Variants in SF3A1 observed in about 807,000 individuals in gnomAD.
SF3A1 encodes the protein SAP 114.
A neutral mutation model predicts 89.9 loss-of-function variants in SF3A1; 13 were observed. The observed-to-expected ratio is 0.14, with a 90% CI of 0.09 to 0.23. The LOEUF (loss-of-function observed/expected upper bound fraction) is 0.23. SF3A1 is among the 10% of genes least tolerant of loss of function. The pLI is 1.00. For synonymous variants in SF3A1, 405 were observed against 374.4 expected, an observed-to-expected ratio of 1.08 and a Z score of -0.94; for missense variants, 604 against 1,022.1, an observed-to-expected ratio of 0.59 and a Z score of 5.58.
rs534739042 is a variant in SF3A1, at chr22:30,337,101, T to C, written c.2031A>G (p.Glu677=). The change falls in exon 13 of 16, where the codon GAA becomes GAG. Residue 677 remains glutamate, a synonymous_variant. Coordinates refer to ENST00000215793, the MANE Select transcript of SF3A1 (RefSeq NM_005877.6). ...TCAGTTTTTTGGAGGTGGGCTCATC[T>C]TCCATGGGAGGTGGGGGATGCACAG... ...MPPVHPPPPM[E]DEPTSKKLKT... 52 of 1,614,168 alleles carry C rather than the reference T, an allele frequency of 3.2e-5. No homozygotes were observed. The South Asian group carries it at 3.8e-4, about 12-fold the overall frequency.
At chr22:30,347,765 T>C (rs1185493035) in intron 2 of SF3A1, among the ~76,000 whole-genome samples, 1 of 152,266 alleles carries the variant, frequency 6.6e-6, no homozygotes, top group Non-Finnish European at 1.5e-5. Context: ...AACTACTCTT[T>C]GCTTCCATTT....
In SF3A1 at chr22:30,333,149, A is replaced by G. The variant is rs1347928304; in HGVS notation, c.*1445T>C. ...AGCAACCAGGCCAGAGGCAAATGTC[A>G]GACAGGATAAGGGATGACATCCCAT... On this transcript the variant is annotated 3_prime_UTR_variant, in exon 16 of 16. Transcript: ENST00000215793. 2 of 152,240 alleles carry G rather than the reference A, an allele frequency of 1.3e-5. No homozygotes were observed. Among genetic ancestry groups the G allele is most frequent in the Non-Finnish European group, 2.9e-5 (2 of 68,066 alleles). 9.4% of individuals were successfully genotyped at this position (152,240 alleles called of 1,614,324 possible).
At position 30,340,621 on chromosome 22, in the gene SF3A1, C is replaced by T. The variant is rs796762923; in HGVS notation, c.1189+74G>A. 2.4e-5 allele frequency: 23 copies of T among 965,402 alleles called. No individual in the cohort carries two copies. In the African/African-American group the frequency reaches 2.8e-4, roughly 12 times the overall value. The allele number at this position is 965,402 out of a possible 1,614,324, so 59.8% of individuals were successfully genotyped here. A position where few individuals can be genotyped will look rare whatever the true frequency, so the allele number is the denominator to read the frequency against. On this transcript the variant is annotated intron_variant, in intron 8 of 15. Coordinates refer to ENST00000215793, the MANE Select transcript of SF3A1 (RefSeq NM_005877.6). ...TGCACCTCAAGCCCTCCTAGAAAGA[C>T]GGGTGTGAGGAACACATGAGGGCAC...
chr22:30,343,773 T>C (rs1396225901), intron 4 of SF3A1, among the ~76,000 whole-genome samples: 1 of 152,248 alleles, frequency 6.6e-6, no homozygotes, highest in Non-Finnish European at 1.5e-5. Context: ...TAGAAACCCT[T>C]GGGCCTTGGG....
chr22:30,335,873 G>T, intron 13 of SF3A1, 120 bp from the exon 14 acceptor site: 1 of 812,552 alleles, frequency 1.2e-6, no homozygotes, highest in Non-Finnish European at 2.1e-6. Context: ...CTGGATTCTG[G>T]CCTGATTCAC....
intron 11 of SF3A1, among the ~76,000 whole-genome samples, chr22:30,338,169 G>A (rs938615707): frequency 9.2e-5 from 14 of 152,112 alleles, no homozygotes; most frequent in African/African-American, 2.7e-4. Context: ...TAAAGAGGCT[G>A]AGACCTTGGC....
At chr22:30,338,125 G>A (rs953596547) in intron 11 of SF3A1, among the ~76,000 whole-genome samples, 10 of 152,050 alleles carry the variant, frequency 6.6e-5, no homozygotes, top group South Asian at 2.1e-4. Flanking sequence ...GGTCAAACTC[G>A]ACCTGCTACT....
chr22:30,350,331 A>AAAAAAAAAAAAAAG (rs1931552888), intron 2 of SF3A1, among the ~76,000 whole-genome samples: 1 of 151,444 alleles, frequency 6.6e-6, no homozygotes, highest in African/African-American at 2.4e-5. Flanking sequence ...ATAAAAAAAA[A>AAAAAAAAAAAAAAG]ATTAGCTGGG....
At chr22:30,353,792 C>T (rs1384923116) in intron 1 of SF3A1, among the ~76,000 whole-genome samples, 6 of 152,094 alleles carry the variant, frequency 3.9e-5, no homozygotes, top group Non-Finnish European at 1.5e-5. Flanking sequence ...TTCTTTAATC[C>T]GGTGTCTGAG....
At chr22:30,338,411 T>C (rs1205477702) in intron 11 of SF3A1, among the ~76,000 whole-genome samples, 2 of 146,788 alleles carry the variant, frequency 1.4e-5, no homozygotes, top group Non-Finnish European at 1.5e-5. Context: ...TGAGCCAAGA[T>C]CATGCCATTG....
At chr22:30,348,229 C>T (rs1569174242) in intron 2 of SF3A1, among the ~76,000 whole-genome samples, 1 of 152,208 alleles carries the variant, frequency 6.6e-6, no homozygotes, top group Non-Finnish European at 1.5e-5. Flanking sequence ...TTCCATTGCT[C>T]CTCTGGCGAG....
chr22:30,342,386 A>G, intron 5 of SF3A1, 36 bp from the exon 6 acceptor site: 1 of 1,563,994 alleles, frequency 6.4e-7, no homozygotes, highest in Non-Finnish European at 8.7e-7. Flanking sequence ...GCTACGCTGA[A>G]GCAGGGTCTG....
chr22:30,334,726 G>A (rs373587904), intron 15 of SF3A1, 31 bp from the exon 16 acceptor site: 15 of 1,504,816 alleles, frequency 1.0e-5, no homozygotes, highest in Non-Finnish European at 1.4e-5. Context: ...CTTAGCATGG[G>A]GCAACCCAGC....
Position 30,346,318 on chromosome 22 carries a change from G to A in SF3A1, c.387C>T (p.Pro129=). 6.2e-6 allele frequency: 10 copies of A among 1,608,224 alleles called. No individual in the cohort carries two copies. The highest frequency in any genetic ancestry group is 8.5e-6 in the Non-Finnish European group (10 of 1,174,806). ...QQQQTTQQQL[P]QKVQAQVIQE... ...GGGGCACTGGGCTCCAAACCTTCTG[G>A]GGCAGCTGCTGCTGGGTGGTCTGCT... Residue 129 remains proline, a synonymous_variant, in exon 3 of 16, where the codon CCC becomes CCT. Transcript: ENST00000215793.
chr22:30,334,811 T>C (rs1569169047), intron 15 of SF3A1, 116 bp from the exon 16 acceptor site: 2 of 680,384 alleles, frequency 2.9e-6, no homozygotes, highest in Non-Finnish European at 5.0e-6. Context: ...ATACAGGAGC[T>C]TGTGAGAAGG....
chr22:30,355,160 T>C (rs774392028), intron 1 of SF3A1, among the ~76,000 whole-genome samples: 5 of 152,226 alleles, frequency 3.3e-5, no homozygotes, highest in Admixed American at 2.6e-4. Context: ...ATTACAAACA[T>C]GCACCACCAC....
At chr22:30,334,829 T>C (rs1931018589) in intron 15 of SF3A1, 134 bp from the exon 16 acceptor site, 3 of 612,262 alleles carry the variant, frequency 4.9e-6, no homozygotes, top group South Asian at 2.0e-5. Flanking sequence ...AGGTAGGGTG[T>C]TGGGGACTGG....
At chr22:30,335,826 G>A in intron 13 of SF3A1, 73 bp from the exon 14 acceptor site, 1 of 1,237,950 alleles carries the variant, frequency 8.1e-7, no homozygotes, top group Admixed American at 1.7e-5. Flanking sequence ...GCTATCCCTA[G>A]GCCTGTCCAG....
Position 30,346,525 on chromosome 22 carries a change from G to A in SF3A1, c.186-6C>T, listed in dbSNP as rs1366507466. 1.2e-6 allele frequency: 2 copies of A among 1,613,388 alleles called. No individual in the cohort carries two copies. The highest frequency in any genetic ancestry group is 1.3e-5 in the African/African-American group (1 of 74,840). ...CTTCAAATTCAGGCCCGTTTCTGGA[G>A]GAAGAAAAAACAACAAGAATAAACA... On this transcript the variant is annotated splice_polypyrimidine_tract_variant and splice_region_variant and intron_variant, in intron 2 of 15. Transcript: ENST00000215793.
Sources: allele counts gnomAD v4.1 joint callset (sites outside exome capture counted in the v4.1 genomes callset), GRCh38; gene constraint gnomAD v4.1.1; transcripts MANE v1.5; gene names NCBI Gene and HGNC (gene_info 2026-07-23, HGNC 2026-07-21).